The following STRN variants were observed in gnomAD, a reference collection of about 807,000 sequenced individuals.
STRN encodes the protein protein phosphatase 2 regulatory subunit B'''alpha.
In STRN, 53 loss-of-function variants were observed where a neutral mutation model predicts 96.3. The ratio of observed to expected loss-of-function variants is 0.55; its 90% CI spans 0.44 to 0.69. STRN has a LOEUF of 0.69. Ranked by LOEUF, STRN falls within the 30% of genes least tolerant of loss-of-function variation. The pLI is 0.00. For synonymous variants in STRN, 428 were observed against 355.9 expected, an observed-to-expected ratio of 1.20 and a Z score of -2.28; for missense variants, 987 against 963.9, an observed-to-expected ratio of 1.02 and a Z score of -0.32.
chr2:36,916,635 A>G (rs1670107295), intron 2 of STRN, among the ~76,000 whole-genome samples: 1 of 152,188 alleles, frequency 6.6e-6, no homozygotes, highest in Non-Finnish European at 1.5e-5. Flanking sequence ...AATATGCATT[A>G]TACTGCACAA....
At chr2:36,869,780 G>T (rs748648177) in intron 10 of STRN, 51 bp from the exon 11 acceptor site, 1 of 1,368,128 alleles carries the variant, frequency 7.3e-7, no homozygotes, top group African/African-American at 1.5e-5. Flanking sequence ...AAGGATAGGG[G>T]AAAAAACTTG....
chr2:36,867,525 G>T, intron 12 of STRN: 1 of 220,152 alleles, frequency 4.5e-6, no homozygotes, highest in African/African-American at 2.3e-5. Context: ...CAAATTATAT[G>T]AGGAAAAAAA....
chr2:36,851,174 A>G, intron 15 of STRN, 67 bp from the exon 16 acceptor site: 2 of 1,395,614 alleles, frequency 1.4e-6, no homozygotes, highest in South Asian at 2.4e-5. Context: ...AGGAGAACTG[A>G]ATTATCTATC....
At chr2:36,912,030 A>G (rs1036542693) in intron 3 of STRN, among the ~76,000 whole-genome samples, 2 of 152,152 alleles carry the variant, frequency 1.3e-5, no homozygotes, top group African/African-American at 4.8e-5. Context: ...TCAAATACCC[A>G]CCACCAAACA....
At chr2:36,878,073 C>G in intron 9 of STRN, 46 bp from the exon 10 acceptor site, 1 of 1,604,940 alleles carries the variant, frequency 6.2e-7, no homozygotes, top group South Asian at 1.1e-5. Flanking sequence ...TCTAAGGAGC[C>G]AACATTTAGT....
intron 8 of STRN, among the ~76,000 whole-genome samples, chr2:36,884,436 T>C (rs1277371876): frequency 2.0e-5 from 3 of 152,176 alleles, no homozygotes; most frequent in Non-Finnish European, 2.9e-5. Flanking sequence ...CATCCCTGTT[T>C]GTTTAAATTA....
rs1205738229 is a variant in STRN at position 36,857,894 on chromosome 2, T to C, written c.1799A>G (p.Glu600Gly). Residue 600 changes from glutamate to glycine, a missense_variant, in exon 14 of 18, where the codon GAG becomes GGG. Coordinates refer to ENST00000263918, the MANE Select transcript of STRN (RefSeq NM_003162.4). ...DGTLRLWNTTEVAPALSVFND... is the reference protein window; with the variant it reads ...DGTLRLWNTTGVAPALSVFND... ...AAATACACTTAGTGCTGGAGCAACC[T>C]CAGTTGTATTCCATAAACGCAGAGT... The C allele has an allele frequency of 6.2e-7, 1 of 1,614,018 alleles. No individual in the cohort carries two copies. The highest frequency in any genetic ancestry group is 8.5e-7 in the Non-Finnish European group (1 of 1,180,006).
At chr2:36,877,746 G>A in intron 10 of STRN, 145 bp downstream of exon 10, 2 of 774,252 alleles carry the variant, frequency 2.6e-6, no homozygotes, top group East Asian at 3.0e-5. Flanking sequence ...ATGTTGGCCA[G>A]GCTGGTTTTG....
At position 36,845,894 on chromosome 2, in the gene STRN, CA is replaced by C. The variant is rs1226658343; in HGVS notation, c.*3561del. 1 of 48,544 alleles carries C rather than the reference CA, an allele frequency of 2.1e-5. No individual in the cohort carries two copies. The highest frequency in any genetic ancestry group is 6.2e-5 in the African/African-American group (1 of 16,074). The allele number at this position is 48,544 out of a possible 1,614,324, so 3.0% of individuals were successfully genotyped here. A position where few individuals can be genotyped will look rare whatever the true frequency, so the allele number is the denominator to read the frequency against. On this transcript the variant is annotated 3_prime_UTR_variant, in exon 18 of 18. Coordinates refer to ENST00000263918, the MANE Select transcript of STRN (RefSeq NM_003162.4). ...CTTCACAGATTGGTAAACACACACA[CA>C]CACACACACACGCATGCATGCACAC...
intron 12 of STRN, among the ~76,000 whole-genome samples, chr2:36,862,927 C>T (rs1477989887): frequency 1.3e-5 from 2 of 151,876 alleles, no homozygotes; most frequent in East Asian, 1.9e-4. Context: ...AGTAGAGACG[C>T]GGTTTCACCG....
intron 1 of STRN, among the ~76,000 whole-genome samples, chr2:36,926,663 G>A (rs1426210045): frequency 6.6e-6 from 1 of 152,086 alleles, no homozygotes; most frequent in Non-Finnish European, 1.5e-5. Context: ...AATGTAGGTA[G>A]TTTGTTAGGC....
At chr2:36,881,840 G>C (rs1457423349) in intron 9 of STRN, among the ~76,000 whole-genome samples, 1 of 152,210 alleles carries the variant, frequency 6.6e-6, no homozygotes, top group African/African-American at 2.4e-5. Flanking sequence ...ATGAGAATAA[G>C]AGAAAAACTA....
intron 3 of STRN, among the ~76,000 whole-genome samples, chr2:36,915,600 T>A (rs1670075635): frequency 1.3e-5 from 2 of 152,222 alleles, no homozygotes; most frequent in African/African-American, 4.8e-5. Context: ...CAGAAACTCC[T>A]GTGGACAAGA....
At chr2:36,913,871 G>T (rs957626650) in intron 3 of STRN, among the ~76,000 whole-genome samples, 1 of 152,174 alleles carries the variant, frequency 6.6e-6, no homozygotes, top group Non-Finnish European at 1.5e-5. Flanking sequence ...TAACCATAGA[G>T]AAATTAAGTA....
At chr2:36,916,962 C>T (rs1670116286) in intron 2 of STRN, among the ~76,000 whole-genome samples, 1 of 150,822 alleles carries the variant, frequency 6.6e-6, no homozygotes, top group South Asian at 2.1e-4. Context: ...CTTGTTGGCT[C>T]CCTAAAATAT....
chr2:36,965,353 T>C (rs1303116697), intron 1 of STRN, among the ~76,000 whole-genome samples: 1 of 152,250 alleles, frequency 6.6e-6, no homozygotes, highest in Admixed American at 6.5e-5. Flanking sequence ...CTGAATGGCT[T>C]GTAAAGTATC....
At chr2:36,878,805 T>C (rs1017381204) in intron 9 of STRN, among the ~76,000 whole-genome samples, 1 of 152,096 alleles carries the variant, frequency 6.6e-6, no homozygotes, top group Non-Finnish European at 1.5e-5. Context: ...CAGGCTGGAG[T>C]GCAGTGGTGA....
chr2:36,916,917 T>C (rs1572672561), intron 2 of STRN, among the ~76,000 whole-genome samples: 2 of 152,030 alleles, frequency 1.3e-5, no homozygotes, highest in East Asian at 3.8e-4. Context: ...TGACTAAAAA[T>C]AGCCATATCT....
At chr2:36,865,074 G>A (rs1460804066) in intron 12 of STRN, among the ~76,000 whole-genome samples, 5 of 152,142 alleles carry the variant, frequency 3.3e-5, no homozygotes, top group African/African-American at 7.2e-5. Context: ...TTCTTTATGC[G>A]TTAGGTAGAA....
Sources: allele counts gnomAD v4.1 joint callset (sites outside exome capture counted in the v4.1 genomes callset), GRCh38; gene constraint gnomAD v4.1.1; transcripts MANE v1.5; gene names NCBI Gene and HGNC (gene_info 2026-07-23, HGNC 2026-07-21).